NDUFB9: variants seen among roughly 807,000 people sequenced by gnomAD.
NDUFB9 encodes the protein NADH dehydrogenase [ubiquinone] 1 beta subcomplex subunit 9.
In NDUFB9, 24 loss-of-function variants were observed where a neutral mutation model predicts 30.2. The ratio of observed to expected loss-of-function variants is 0.80; its 90% CI spans 0.58 to 1.12. NDUFB9 has a LOEUF of 1.12. Among genes scored for constraint, NDUFB9 ranks in the 50% most tolerant of loss-of-function variants. The probability of loss-of-function intolerance (pLI) is 0.00; values close to 1 mark genes in which losing one functional copy is unlikely to be tolerated. For synonymous variants in NDUFB9, 80 were observed against 84.0 expected (o/e 0.95, Z 0.26); for missense variants, 204 against 226.0 (o/e 0.90, Z 0.62).
intron 2 of NDUFB9, among the ~76,000 whole-genome samples, chr8:124,543,953 G>C (rs1219707631): frequency 6.6e-6 from 1 of 152,218 alleles, no homozygotes; most frequent in African/African-American, 2.4e-5. Context: ...AGTGAGGAAG[G>C]CATGTTGAAA....
At chr8:124,541,936 T>C (rs989483812) in intron 1 of NDUFB9, among the ~76,000 whole-genome samples, 1 of 142,574 alleles carries the variant, frequency 7.0e-6, no homozygotes, top group African/African-American at 2.6e-5. Flanking sequence ...TTTTTTGAGA[T>C]GAAGTCTCGC....
intron 1 of NDUFB9, among the ~76,000 whole-genome samples, chr8:124,541,124 C>G (rs1380472734): frequency 1.3e-5 from 2 of 152,112 alleles, no homozygotes; most frequent in Non-Finnish European, 2.9e-5. Flanking sequence ...CGAGATAGCC[C>G]CATTGCACTC....
At chr8:124,541,709 T>G (rs945497842) in intron 1 of NDUFB9, among the ~76,000 whole-genome samples, 1 of 151,980 alleles carries the variant, frequency 6.6e-6, no homozygotes, top group Non-Finnish European at 1.5e-5. Context: ...GTTCAAGCAA[T>G]TCTCCTGCCT....
intron 2 of NDUFB9, 123 bp downstream of exon 2, chr8:124,543,402 G>A: frequency 3.2e-6 from 3 of 931,444 alleles, no homozygotes; most frequent in Non-Finnish European, 5.0e-6. Context: ...CCTGACAGTT[G>A]TCAGATGCAG....
At chr8:124,542,381 A>G (rs1453886207) in intron 1 of NDUFB9, among the ~76,000 whole-genome samples, 1 of 152,206 alleles carries the variant, frequency 6.6e-6, no homozygotes, top group East Asian at 1.9e-4. Flanking sequence ...CAAGTTACAC[A>G]GCTAGTAGTG....
intron 2 of NDUFB9, among the ~76,000 whole-genome samples, chr8:124,545,941 C>A (rs957702135): frequency 6.6e-6 from 1 of 152,222 alleles, no homozygotes; most frequent in East Asian, 1.9e-4. Flanking sequence ...CTCCCAGGTT[C>A]AAGCGATTCT....
In NDUFB9 at chr8:124,542,807, C is replaced by CT. The variant is rs58685573; in HGVS notation, c.102-259dup. ...GCTTTTCTCTTGCGAATGCTCTTTT[C>CT]TTTTTTTTTTTTTTTTTTTTTGTTT... On this transcript the variant is annotated intron_variant, in intron 1 of 3. Transcript: ENST00000276689. 530 of 204,082 alleles carry CT rather than the reference C, an allele frequency of 2.6e-3. 5 individuals carry two copies. The highest frequency in any genetic ancestry group is 3.3e-3 in the South Asian group (60 of 18,318). 12.6% of individuals were successfully genotyped at this position (204,082 alleles called of 1,614,324 possible).
chr8:124,541,954 C>T (rs1445094207), intron 1 of NDUFB9, among the ~76,000 whole-genome samples: 2 of 143,884 alleles, frequency 1.4e-5, no homozygotes, highest in Non-Finnish European at 3.0e-5. Context: ...CGCTCTTGTC[C>T]CCCAGGCTGG....
Position 124,541,731 on chromosome 8 carries a change from G to A in NDUFB9, c.102-1356G>A, listed in dbSNP as rs182391274. Among the ~76,000 whole-genome samples the A allele has an allele frequency of 7.1e-3, 1,073 of 152,178 alleles. 8 individuals are homozygous for A. Among genetic ancestry groups the A allele is most frequent in the African/African-American group, 0.025 (1,030 of 41,508 alleles). On this transcript the variant is annotated intron_variant, in intron 1 of 3. Transcript: ENST00000276689. The stretch of plus-strand genomic sequence containing the variant: ...CAATTCTCCTGCCTCAGTCTCCCGA[G>A]TAGCTGGGATTACAGGCATGCGCCA...
chr8:124,548,686 G>T (rs77217658), intron 3 of NDUFB9, among the ~76,000 whole-genome samples: 3,117 of 152,278 alleles, frequency 0.02, 56 homozygotes, highest in Middle Eastern at 0.044. Context: ...AGGGACTTGA[G>T]GTTATTCGAA....
chr8:124,545,998 A>G (rs1184380083), intron 2 of NDUFB9, among the ~76,000 whole-genome samples: 2 of 152,074 alleles, frequency 1.3e-5, no homozygotes, highest in Admixed American at 6.5e-5. Flanking sequence ...ATGTACCACT[A>G]TGCCTGGCTA....
rs142723791 is a variant in NDUFB9 at position 124,543,125 on chromosome 8, G to T, written c.140G>T (p.Arg47Leu). The change falls in exon 2 of 4, where the codon CGG becomes CTG. Residue 47 changes from arginine to leucine, a missense_variant. Physicochemically the swap from Arg to Leu is moderately radical, Grantham distance 102. Coordinates refer to ENST00000276689, the MANE Select transcript of NDUFB9 (RefSeq NM_005005.3). ...TACTTTGCTTGTTTGATGAGAGCCC[G>T]GTTTGAAGAACATAAGAATGAAAAG... is the stretch of plus-strand genomic sequence containing the variant. ...YRYFACLMRARFEEHKNEKDM... is the reference protein window; with the variant it reads ...YRYFACLMRALFEEHKNEKDM... 875 of 1,614,176 alleles carry T rather than the reference G, an allele frequency of 5.4e-4. 2 individuals are homozygous for T. The African/African-American group carries it at 0.01, about 18-fold the overall frequency.
At chr8:124,540,735 TCC>T (rs1454670197) in intron 1 of NDUFB9, among the ~76,000 whole-genome samples, 1 of 152,188 alleles carries the variant, frequency 6.6e-6, no homozygotes, top group East Asian at 1.9e-4. Context: ...AATTTCTTCC[TCC>T]ATTTGCCCTC....
chr8:124,549,715 T>C (rs973485223), intron 3 of NDUFB9, 46 bp from the exon 4 acceptor site: 1 of 1,586,612 alleles, frequency 6.3e-7, no homozygotes, highest in Non-Finnish European at 8.7e-7. Flanking sequence ...ATTTTTATAG[T>C]CAATTAGATT....
chr8:124,539,481 T>C, intron 1 of NDUFB9, 194 bp downstream of exon 1: 2 of 596,142 alleles, frequency 3.4e-6, no homozygotes, highest in South Asian at 2.0e-5. Flanking sequence ...CCTTGTAGAG[T>C]TGCTTGTCGG....
At chr8:124,546,425 TG>T (rs1223874925) in intron 2 of NDUFB9, among the ~76,000 whole-genome samples, 6 of 152,194 alleles carry the variant, frequency 3.9e-5, no homozygotes, top group Non-Finnish European at 8.8e-5. Flanking sequence ...TTATATGCAC[TG>T]GGAAACCAAA....
At chr8:124,541,904 TTTG>T (rs761518013) in intron 1 of NDUFB9, among the ~76,000 whole-genome samples, 13 of 130,068 alleles carry the variant, frequency 1.0e-4, no homozygotes, top group East Asian at 2.5e-4. Flanking sequence ...GCCTGGCCTT[TTTG>T]TTGTTGTTGT....
chr8:124,540,944 T>G (rs1821952618), intron 1 of NDUFB9, among the ~76,000 whole-genome samples: 1 of 152,148 alleles, frequency 6.6e-6, no homozygotes, highest in South Asian at 2.1e-4. Context: ...CTGAGGTGAG[T>G]GGATCACCTG....
At chr8:124,545,438 G>A (rs1822131584) in intron 2 of NDUFB9, among the ~76,000 whole-genome samples, 1 of 152,188 alleles carries the variant, frequency 6.6e-6, no homozygotes, top group Admixed American at 6.5e-5. Context: ...TTAGTCACCA[G>A]CCATCAACAT....
Sources: gnomAD v4.1 joint callset for allele counts (sites outside exome capture counted in the v4.1 genomes callset) on GRCh38, gnomAD v4.1.1 for gene constraint, MANE v1.5 for transcripts, NCBI Gene and HGNC (gene_info 2026-07-23, HGNC 2026-07-21) for gene names.